The following DAB1 variants were observed in gnomAD, a reference collection of about 807,000 sequenced individuals.
DAB1 encodes the protein disabled homolog 1.
DAB1 carries 15 observed loss-of-function variants against 64.6 expected under a neutral mutation model. That is an observed-to-expected ratio of 0.23 (90% CI 0.16 to 0.36). The LOEUF (loss-of-function observed/expected upper bound fraction) is 0.36, where lower values mean the gene tolerates loss of function less well. DAB1 is among the 10% of genes least tolerant of loss of function. The pLI is 1.00. For synonymous variants in DAB1, 235 were observed against 251.9 expected (o/e 0.93, Z 0.64); for missense variants, 596 against 706.7 (o/e 0.84, Z 1.78).
chr1:57,695,393 A>AAAG lies in DAB1; in HGVS notation n.552-45731_552-45729dup, dbSNP rs1557427920. Among the ~76,000 whole-genome samples the AAAG allele has an allele frequency of 6.8e-4, 54 of 79,104 alleles. 1 individual carries two copies. The highest frequency in any genetic ancestry group is 1.2e-3 in the Non-Finnish European group (43 of 35,998). 51.9% of individuals were successfully genotyped at this position (79,104 alleles called of 152,430 possible). On this transcript the variant is annotated intron_variant and non_coding_transcript_variant, in intron 6 of 20. Coordinates refer to the DAB1 transcript ENST00000485760. ...GAAAGAAAGAAAGAAAGAAAGAAAG[A>AAAG]AAGAAAGAAAGAAAGAAAGAAAGAA...
chr1:57,458,163 T>G (rs1411527228), intron 7 of DAB1, among the ~76,000 whole-genome samples: 1 of 152,188 alleles, frequency 6.6e-6, no homozygotes, highest in Non-Finnish European at 1.5e-5. Flanking sequence ...AGCACATATG[T>G]ATACATACTA....
Position 58,118,596 on chromosome 1 carries a change from CTA to C in DAB1, n.387+31913_387+31914del, listed in dbSNP as rs550184191. On this transcript the variant is annotated intron_variant and non_coding_transcript_variant, in intron 5 of 20. Transcript: ENST00000485760. ...TATATATACATATATATATAAAATA[CTA>C]TATATATATACATATATATATATAA... Among the ~76,000 whole-genome samples the C allele has an allele frequency of 2.3e-3, 241 of 104,650 alleles. 2 individuals are homozygous for C. The highest frequency in any genetic ancestry group is 8.0e-3 in the African/African-American group (197 of 24,772). The allele number at this position is 104,650 out of a possible 152,430, so 68.7% of individuals were successfully genotyped here. A position where few individuals can be genotyped will look rare whatever the true frequency, so the allele number is the denominator to read the frequency against.
At chr1:58,372,080 C>G (rs551278431) in intron 3 of DAB1, among the ~76,000 whole-genome samples, 92 of 152,328 alleles carry the variant, frequency 6.0e-4, no homozygotes, top group African/African-American at 2.2e-3. Context: ...CTGTTCTCTG[C>G]ACCCCAAAAT....
In DAB1 at chr1:58,406,837, T is replaced by C. The variant is rs868436237; in HGVS notation, n.258-63434A>G. On this transcript the variant is annotated intron_variant and non_coding_transcript_variant, in intron 3 of 20. Coordinates refer to the DAB1 transcript ENST00000485760. ...TGGGTTTGGGAGTGGGAAGCTTGAC[T>C]GAGCTCCCTACCCGCTGTGTGACCT... Among the ~76,000 whole-genome samples, 9 of 152,140 alleles carry C rather than the reference T, an allele frequency of 5.9e-5. No individual in the cohort carries two copies. The Middle Eastern group carries it at 0.01, about 172-fold the overall frequency.
chr1:57,201,901 T>C (rs1665134007), intron 2 of DAB1, among the ~76,000 whole-genome samples: 1 of 152,104 alleles, frequency 6.6e-6, no homozygotes, highest in South Asian at 2.1e-4. Flanking sequence ...CATGCATGTA[T>C]GCATGAATTT....
At chr1:57,960,491 A>AT (rs1360112992) in intron 5 of DAB1, among the ~76,000 whole-genome samples, 4 of 127,326 alleles carry the variant, frequency 3.1e-5, no homozygotes, top group African/African-American at 8.3e-5. Flanking sequence ...AAGGAACCAA[A>AT]TTAAAAAAAA....
chr1:57,635,948 T>A (rs1003535786), intron 7 of DAB1, among the ~76,000 whole-genome samples: 10 of 151,622 alleles, frequency 6.6e-5, no homozygotes, highest in Non-Finnish European at 1.2e-4. Flanking sequence ...ACAACAAAAA[T>A]TAGCCAGGCG....
chr1:57,299,385 T>TC (rs1277163437), intron 1 of DAB1, among the ~76,000 whole-genome samples: 1 of 152,244 alleles, frequency 6.6e-6, no homozygotes, highest in East Asian at 1.9e-4. Flanking sequence ...TATTCAGACA[T>TC]CAGTCAATCT....
chr1:57,009,972 T>C (rs549677374), intron 14 of DAB1, among the ~76,000 whole-genome samples: 1 of 152,342 alleles, frequency 6.6e-6, no homozygotes, highest in East Asian at 1.9e-4. Flanking sequence ...AAGTGAGTGC[T>C]ACACATCTCT....
At chr1:57,718,710 A>T (rs1242576976) in intron 6 of DAB1, among the ~76,000 whole-genome samples, 1 of 152,202 alleles carries the variant, frequency 6.6e-6, no homozygotes, top group East Asian at 1.9e-4. Flanking sequence ...TTTCTTAGCA[A>T]AAAATCTTCA....
At chr1:57,411,276 T>G (rs1007169429) in intron 1 of DAB1, among the ~76,000 whole-genome samples, 11 of 152,290 alleles carry the variant, frequency 7.2e-5, no homozygotes, top group African/African-American at 2.6e-4. Flanking sequence ...AGAGCACTGG[T>G]TTGGGTGCAG....
intron 2 of DAB1, among the ~76,000 whole-genome samples, chr1:57,258,665 C>T (rs1001414224): frequency 6.6e-6 from 1 of 152,150 alleles, no homozygotes; most frequent in Non-Finnish European, 1.5e-5. Flanking sequence ...TCTGCTAGCC[C>T]AATTACGCAA....
chr1:58,508,708 C>T (rs1220267454), intron 2 of DAB1, among the ~76,000 whole-genome samples: 1 of 151,904 alleles, frequency 6.6e-6, no homozygotes, highest in East Asian at 1.9e-4. Context: ...TCTAAAACGC[C>T]CTAGATATCT....
intron 2 of DAB1, among the ~76,000 whole-genome samples, chr1:57,174,970 T>A (rs1391307727): frequency 6.6e-6 from 1 of 152,184 alleles, no homozygotes; most frequent in African/African-American, 2.4e-5. Flanking sequence ...TTAAAAATAA[T>A]TTTAAAAGGG....
chr1:57,220,329 G>A (rs938473730), intron 2 of DAB1, among the ~76,000 whole-genome samples: 4 of 152,110 alleles, frequency 2.6e-5, no homozygotes, highest in Admixed American at 6.5e-5. Flanking sequence ...CAGCTGCATC[G>A]TTTCATCATG....
chr1:58,510,640 A>G (rs1331115133), intron 2 of DAB1, among the ~76,000 whole-genome samples: 5 of 152,156 alleles, frequency 3.3e-5, no homozygotes, highest in African/African-American at 4.8e-5. Context: ...GAGGCAAGAG[A>G]AAGAAATAAA....
intron 6 of DAB1, among the ~76,000 whole-genome samples, chr1:57,789,775 T>C (rs866804476): frequency 5.9e-5 from 9 of 152,332 alleles, no homozygotes; most frequent in African/African-American, 1.9e-4. Context: ...TGGGTTGATG[T>C]AGCAAGGATG....
chr1:57,262,603 T>C (rs1670264594), intron 2 of DAB1, among the ~76,000 whole-genome samples: 1 of 152,246 alleles, frequency 6.6e-6, no homozygotes, highest in Non-Finnish European at 1.5e-5. Context: ...TTTCCGCTCT[T>C]ATCACCCGGA....
At chr1:58,026,022 T>C (rs1646890085) in intron 5 of DAB1, among the ~76,000 whole-genome samples, 1 of 152,016 alleles carries the variant, frequency 6.6e-6, no homozygotes, top group South Asian at 2.1e-4. Flanking sequence ...CTCATGCAAC[T>C]TCTCTAATAG....
Sources: allele counts gnomAD v4.1 joint callset (sites outside exome capture counted in the v4.1 genomes callset), GRCh38; gene constraint gnomAD v4.1.1; transcripts MANE v1.5; gene names NCBI Gene and HGNC (gene_info 2026-07-23, HGNC 2026-07-21).